The following NXPE2 variants were observed in gnomAD, a reference collection of about 807,000 sequenced individuals.
NXPE2 encodes the protein neurexophilin and PC-esterase domain family member 2.
In NXPE2, 34 loss-of-function variants were observed where a neutral mutation model predicts 34.4. That is an observed-to-expected ratio of 0.99 (90% CI 0.75 to 1.31). The LOEUF (loss-of-function observed/expected upper bound fraction) is 1.31. Among genes scored for constraint, NXPE2 ranks in the 40% most tolerant of loss-of-function variants. The pLI, the probability that NXPE2 is intolerant of heterozygous loss-of-function variation, is 0.00. For synonymous variants in NXPE2, 235 were observed against 231.3 expected, an observed-to-expected ratio of 1.02 and a Z score of -0.15; for missense variants, 649 against 672.5, an observed-to-expected ratio of 0.97 and a Z score of 0.39.
the NXPE2 span, among the ~76,000 whole-genome samples, chr11:114,540,173 C>G: frequency 6.6e-6 from 1 of 152,062 alleles, no homozygotes; most frequent in African/African-American, 2.4e-5. Context: ...GCCAGGCTGG[C>G]CTCAAACTCC....
chr11:114,538,943 C>G, the NXPE2 span, among the ~76,000 whole-genome samples: 4 of 152,018 alleles, frequency 2.6e-5, no homozygotes, highest in African/African-American at 9.7e-5. Flanking sequence ...GGTATATACC[C>G]AAAGGATTAT....
At chr11:114,554,953 C>T in the NXPE2 span, among the ~76,000 whole-genome samples, 3 of 152,116 alleles carry the variant, frequency 2.0e-5, no homozygotes, top group Non-Finnish European at 4.4e-5. Context: ...CCTGGATGAC[C>T]TCAAGGTGCA....
chr11:114,629,586 A>G, the NXPE2 span, among the ~76,000 whole-genome samples: 2 of 151,952 alleles, frequency 1.3e-5, no homozygotes, highest in Admixed American at 6.6e-5. Flanking sequence ...CAAAAACTGG[A>G]AGCATTCCCT....
At chr11:114,594,543 T>G in the NXPE2 span, 1 of 680,636 alleles carries the variant, frequency 1.5e-6, no homozygotes, top group Non-Finnish European at 2.6e-6. Context: ...TTGTTTGGTA[T>G]CTAGCTATTC....
chr11:114,464,523 T>C, the NXPE2 span, among the ~76,000 whole-genome samples: 1 of 152,218 alleles, frequency 6.6e-6, no homozygotes, highest in African/African-American at 2.4e-5. Context: ...TGTAATTCAA[T>C]AGTATGTAAT....
At chr11:114,756,995 C>T in the NXPE2 span, among the ~76,000 whole-genome samples, 1 of 152,192 alleles carries the variant, frequency 6.6e-6, no homozygotes, top group Non-Finnish European at 1.5e-5. Context: ...TGATGTTTCT[C>T]TCTTCTGTCC....
chr11:114,468,376 G>A, the NXPE2 span, among the ~76,000 whole-genome samples: 1 of 152,188 alleles, frequency 6.6e-6, no homozygotes, highest in South Asian at 2.1e-4. Context: ...GTAGTAGTCT[G>A]TGGCAATGGG....
chr11:114,632,261 A>T, the NXPE2 span, among the ~76,000 whole-genome samples: 1 of 139,226 alleles, frequency 7.2e-6, no homozygotes, highest in African/African-American at 2.6e-5. Context: ...TATATGTATA[A>T]TATATATGTA....
the NXPE2 span, among the ~76,000 whole-genome samples, chr11:114,772,539 G>A: frequency 6.6e-6 from 1 of 152,046 alleles, no homozygotes; most frequent in Admixed American, 6.5e-5. Flanking sequence ...TTGGAACAGT[G>A]CTAGCTTCTT....
chr11:114,628,043 A>G, the NXPE2 span, among the ~76,000 whole-genome samples: 1 of 150,942 alleles, frequency 6.6e-6, no homozygotes, highest in African/African-American at 2.5e-5. Context: ...ACCTACAAAG[A>G]GACTTAGACT....
the NXPE2 span, among the ~76,000 whole-genome samples, chr11:114,798,019 T>C: frequency 1.3e-5 from 2 of 152,198 alleles, no homozygotes; most frequent in African/African-American, 4.8e-5. Context: ...CGAAGTTAAA[T>C]TGGCTATCAG....
chr11:114,502,676 T>C, the NXPE2 span, among the ~76,000 whole-genome samples: 4 of 152,218 alleles, frequency 2.6e-5, no homozygotes, highest in Admixed American at 1.3e-4. Flanking sequence ...TAGTTTTCCA[T>C]GATGACTCTC....
the NXPE2 span, among the ~76,000 whole-genome samples, chr11:114,586,891 T>C: frequency 2.6e-5 from 4 of 152,208 alleles, no homozygotes; most frequent in Non-Finnish European, 4.4e-5. Flanking sequence ...AATGCCATAA[T>C]GCCTGGGAAT....
chr11:114,546,092 C>A, the NXPE2 span, among the ~76,000 whole-genome samples: 1 of 152,170 alleles, frequency 6.6e-6, no homozygotes, highest in Admixed American at 6.5e-5. Context: ...AACTGTATTA[C>A]AAATGTATGA....
At chr11:114,657,034 C>A in the NXPE2 span, among the ~76,000 whole-genome samples, 1 of 152,296 alleles carries the variant, frequency 6.6e-6, no homozygotes, top group African/African-American at 2.4e-5. Flanking sequence ...GCAGAGCTTG[C>A]AGTGAGCTGA....
chr11:114,755,680 C>T, the NXPE2 span, among the ~76,000 whole-genome samples: 1 of 116,370 alleles, frequency 8.6e-6, no homozygotes, highest in African/African-American at 4.0e-5. Context: ...ATCTATCTAT[C>T]TGTCTGTCTA....
chr11:114,740,407 G>GGCAAGTGCATGTTCTTCGACAT, the NXPE2 span, among the ~76,000 whole-genome samples: 12 of 152,060 alleles, frequency 7.9e-5, no homozygotes, highest in East Asian at 1.9e-3. Flanking sequence ...ATGATGAACA[G>GGCAAGTGCATGTTCTTCGACAT]GCAAGTGCAT....
At chr11:114,469,062 A>C in the NXPE2 span, among the ~76,000 whole-genome samples, 1 of 152,044 alleles carries the variant, frequency 6.6e-6, no homozygotes, top group Non-Finnish European at 1.5e-5. Context: ...GAAATATATA[A>C]AACAAAATCT....
At chr11:114,640,622 G>A in the NXPE2 span, among the ~76,000 whole-genome samples, 8 of 151,830 alleles carry the variant, frequency 5.3e-5, no homozygotes, top group South Asian at 1.7e-3. Flanking sequence ...ACATCTGTTG[G>A]TTTTTTACTT....
Sources: gnomAD v4.1 joint callset for allele counts (sites outside exome capture counted in the v4.1 genomes callset) on GRCh38, gnomAD v4.1.1 for gene constraint, MANE v1.5 for transcripts, NCBI Gene and HGNC (gene_info 2026-07-23, HGNC 2026-07-21) for gene names.